The following BBX variants were observed in gnomAD, a reference collection of about 807,000 sequenced individuals.
BBX encodes the protein HMG box transcription factor BBX.
Under a neutral mutation model 100.2 loss-of-function variants are expected in BBX, and 30 were observed. That is an observed-to-expected ratio of 0.30 (90% CI 0.22 to 0.41). The LOEUF (loss-of-function observed/expected upper bound fraction) is 0.41, where lower values mean the gene tolerates loss of function less well. Ranked by LOEUF, BBX falls within the 10% of genes least tolerant of loss-of-function variation. BBX has a pLI of 1.00. For synonymous variants in BBX, 376 were observed against 388.1 expected (o/e 0.97, Z 0.37); for missense variants, 1,023 against 1,129.8 (o/e 0.91, Z 1.35).
chr3:107,687,942 C>A (rs2059941701), intron 3 of BBX, among the ~76,000 whole-genome samples: 1 of 152,062 alleles, frequency 6.6e-6, no homozygotes, highest in Non-Finnish European at 1.5e-5. Context: ...GTAATCCCAG[C>A]TACTCTGGAG....
intron 2 of BBX, among the ~76,000 whole-genome samples, chr3:107,617,709 T>TA (rs1401727046): frequency 3.3e-5 from 5 of 152,170 alleles, no homozygotes; most frequent in African/African-American, 1.2e-4. Flanking sequence ...GCTCATATGT[T>TA]AAAGTACAAT....
chr3:107,703,230 T>G (rs886272404), intron 3 of BBX, among the ~76,000 whole-genome samples: 1 of 152,206 alleles, frequency 6.6e-6, no homozygotes. Flanking sequence ...TGATTAAGAA[T>G]GTAAACACCT....
At chr3:107,568,389 T>G (rs2051087848) in intron 2 of BBX, among the ~76,000 whole-genome samples, 1 of 151,330 alleles carries the variant, frequency 6.6e-6, no homozygotes, top group Non-Finnish European at 1.5e-5. Flanking sequence ...CTCACCCTCC[T>G]GAGTAGCTGG....
chr3:107,568,877 A>G (rs1346441684), intron 2 of BBX, among the ~76,000 whole-genome samples: 2 of 152,152 alleles, frequency 1.3e-5, no homozygotes, highest in Non-Finnish European at 2.9e-5. Context: ...GATACATCCA[A>G]ATGTTTTGAA....
intron 2 of BBX, among the ~76,000 whole-genome samples, chr3:107,624,647 T>A (rs1173382162): frequency 6.6e-6 from 1 of 152,168 alleles, no homozygotes; most frequent in Non-Finnish European, 1.5e-5. Context: ...GGCGGGCAGA[T>A]CACCTGAGGT....
At chr3:107,798,324 A>G (rs984929528) in intron 15 of BBX, among the ~76,000 whole-genome samples, 199 bp from the exon 16 acceptor site, 1 of 152,236 alleles carries the variant, frequency 6.6e-6, no homozygotes, top group Non-Finnish European at 1.5e-5. Flanking sequence ...ACTGCATTTA[A>G]TTTATCAAAG....
chr3:107,573,123 G>T (rs921802519), intron 2 of BBX, among the ~76,000 whole-genome samples: 1 of 152,008 alleles, frequency 6.6e-6, no homozygotes, highest in Admixed American at 6.5e-5. Flanking sequence ...TAATGTGTAC[G>T]TAGAATAAAT....
chr3:107,560,456 C>G (rs1305763756), intron 2 of BBX, among the ~76,000 whole-genome samples: 2 of 152,178 alleles, frequency 1.3e-5, no homozygotes, highest in Non-Finnish European at 2.9e-5. Flanking sequence ...AATAAGATTT[C>G]TTTCTGATAA....
chr3:107,685,311 C>G (rs1284707847), intron 3 of BBX, among the ~76,000 whole-genome samples: 1 of 152,118 alleles, frequency 6.6e-6, no homozygotes, highest in African/African-American at 2.4e-5. Context: ...TCCACTTTAA[C>G]TTGAGGGTGT....
intron 3 of BBX, among the ~76,000 whole-genome samples, chr3:107,678,315 A>C (rs1177286167): frequency 6.6e-6 from 1 of 152,056 alleles, no homozygotes; most frequent in East Asian, 1.9e-4. Context: ...TGAGGAGAGC[A>C]CTGGATTAAA....
intron 2 of BBX, among the ~76,000 whole-genome samples, chr3:107,528,511 A>AT (rs1559776580): frequency 1.3e-5 from 2 of 152,272 alleles, no homozygotes; most frequent in Non-Finnish European, 2.9e-5. Context: ...CTTCGTATCC[A>AT]TTTTTTTGTT....
chr3:107,748,134 C>A, intron 9 of BBX, 95 bp downstream of exon 9: 1 of 1,021,434 alleles, frequency 9.8e-7, no homozygotes, highest in Non-Finnish European at 1.5e-6. Flanking sequence ...GAACTTTAGG[C>A]ATGCCTGTTG....
chr3:107,655,372 A>T (rs541344462), intron 3 of BBX, among the ~76,000 whole-genome samples: 33 of 152,270 alleles, frequency 2.2e-4, no homozygotes, highest in African/African-American at 7.5e-4. Context: ...AACTATGTCA[A>T]TTTTTTAAGC....
intron 3 of BBX, among the ~76,000 whole-genome samples, chr3:107,700,206 A>G (rs1443190384): frequency 6.6e-5 from 10 of 151,778 alleles, no homozygotes; most frequent in African/African-American, 7.3e-5. Context: ...TAACTAAAAG[A>G]CTAATGGCTC....
chr3:107,698,519 G>A (rs2060821852), intron 3 of BBX, among the ~76,000 whole-genome samples: 1 of 151,354 alleles, frequency 6.6e-6, no homozygotes, highest in African/African-American at 2.4e-5. Context: ...AGGTGTGATG[G>A]CATACTCCTG....
chr3:107,722,962 C>T (rs1162061204), intron 5 of BBX, among the ~76,000 whole-genome samples: 1 of 151,970 alleles, frequency 6.6e-6, no homozygotes, highest in East Asian at 1.9e-4. Context: ...AAACAGCTGT[C>T]TCAGAATTTA....
intron 2 of BBX, among the ~76,000 whole-genome samples, chr3:107,528,910 G>A (rs536061893): frequency 3.3e-5 from 5 of 152,096 alleles, no homozygotes; most frequent in Non-Finnish European, 7.4e-5. Flanking sequence ...ATTTCATAAA[G>A]AACATGGGTA....
intron 10 of BBX, among the ~76,000 whole-genome samples, chr3:107,758,072 A>T (rs1288369569): frequency 2.0e-5 from 3 of 152,170 alleles, no homozygotes; most frequent in Non-Finnish European, 2.9e-5. Flanking sequence ...CTGTCCACAC[A>T]TCTGGAATAT....
chr3:107,627,770 A>G (rs1053971460), intron 2 of BBX, among the ~76,000 whole-genome samples: 2 of 152,106 alleles, frequency 1.3e-5, no homozygotes, highest in Admixed American at 1.3e-4. Flanking sequence ...AATATGTAAC[A>G]AGAATGTAAA....
Sources: gnomAD v4.1 joint callset for allele counts (sites outside exome capture counted in the v4.1 genomes callset) on GRCh38, gnomAD v4.1.1 for gene constraint, MANE v1.5 for transcripts, NCBI Gene and HGNC (gene_info 2026-07-23, HGNC 2026-07-21) for gene names.